Variants in ST7 observed in about 807,000 individuals in gnomAD.
The protein encoded by ST7 is suppressor of tumorigenicity 7 protein.
In ST7, 28 loss-of-function variants were observed where a neutral mutation model predicts 78.7. The ratio of observed to expected loss-of-function variants is 0.36; its 90% confidence interval spans 0.26 to 0.49. The LOEUF (loss-of-function observed/expected upper bound fraction) is 0.49, where lower values mean the gene tolerates loss of function less well. Ranked by LOEUF, ST7 falls within the 20% of genes least tolerant of loss-of-function variation. The pLI is 0.99. For missense variants in ST7, 418 were observed against 696.0 expected, an observed-to-expected ratio of 0.60 and a Z score of 4.49; for synonymous variants, 247 against 249.6, an observed-to-expected ratio of 0.99 and a Z score of 0.10.
intron 10 of ST7, among the ~76,000 whole-genome samples, chr7:117,183,100 TTTTGTTTG>T (rs370293819): frequency 0.044 from 6,740 of 151,998 alleles, 400 homozygotes; most frequent in African/African-American, 0.13. Flanking sequence ...TTTTAGGTTT[TTTTGTTTG>T]TTTGTTTGTT....
At chr7:117,013,789 C>T (rs181424114) in intron 1 of ST7, among the ~76,000 whole-genome samples, 2 of 152,084 alleles carry the variant, frequency 1.3e-5, no homozygotes, top group Admixed American at 6.6e-5. Flanking sequence ...GGCGAGATCA[C>T]GCCACTGCAC....
intron 8 of ST7, 33 bp from the exon 9 acceptor site, chr7:117,138,402 T>C (rs756193749): frequency 1.4e-6 from 2 of 1,453,642 alleles, no homozygotes; most frequent in Non-Finnish European, 1.9e-6. Context: ...TTTTTTTTTT[T>C]TAAATGTTGG....
intron 15 of ST7, among the ~76,000 whole-genome samples, chr7:117,227,891 C>T (rs1485276473): frequency 6.6e-6 from 1 of 152,146 alleles, no homozygotes; most frequent in Non-Finnish European, 1.5e-5. Context: ...AGGATGGCAC[C>T]GTCTCCTCTT....
intron 1 of ST7, among the ~76,000 whole-genome samples, chr7:117,097,901 TATA>T (rs1184171701): frequency 1.4e-4 from 5 of 36,362 alleles, no homozygotes; most frequent in African/African-American, 6.2e-4. Context: ...TATATATATA[TATA>T]TATATTTTTT....
intron 9 of ST7, among the ~76,000 whole-genome samples, chr7:117,166,151 T>A (rs931347755): frequency 1.3e-5 from 2 of 152,180 alleles, no homozygotes; most frequent in African/African-American, 4.8e-5. Flanking sequence ...CAACTAGAAA[T>A]AACTGCTGTT....
intron 1 of ST7, among the ~76,000 whole-genome samples, chr7:117,064,819 C>T (rs1316932947): frequency 1.3e-5 from 2 of 152,086 alleles, no homozygotes; most frequent in African/African-American, 2.4e-5. Flanking sequence ...AAGAGTTTCC[C>T]GGGAAGTGCG....
intron 1 of ST7, among the ~76,000 whole-genome samples, chr7:117,087,936 G>A (rs1800289070): frequency 6.6e-6 from 1 of 152,176 alleles, no homozygotes; most frequent in South Asian, 2.1e-4. Flanking sequence ...AGATGTGTCT[G>A]TCTTTGTCAC....
intron 2 of ST7, among the ~76,000 whole-genome samples, chr7:117,117,264 G>T (rs900468145): frequency 6.6e-6 from 1 of 152,124 alleles, no homozygotes; most frequent in Non-Finnish European, 1.5e-5. Flanking sequence ...GAAACCCAGG[G>T]TTTGTGTGTG....
intron 9 of ST7, among the ~76,000 whole-genome samples, chr7:117,141,255 T>C (rs565226006): frequency 6.6e-6 from 1 of 152,240 alleles, no homozygotes; most frequent in South Asian, 2.1e-4. Flanking sequence ...GAAATAGAAA[T>C]GTCAGTTAGA....
intron 9 of ST7, among the ~76,000 whole-genome samples, chr7:117,159,054 AG>A (rs1417736444): frequency 6.6e-6 from 1 of 152,222 alleles, no homozygotes; most frequent in Non-Finnish European, 1.5e-5. Context: ...TTCTCACTCA[AG>A]GAACAATACA....
chr7:117,002,005 C>A (rs1794955738), intron 1 of ST7, among the ~76,000 whole-genome samples: 1 of 152,094 alleles, frequency 6.6e-6, no homozygotes, highest in African/African-American at 2.4e-5. Context: ...GCGGACGGAT[C>A]ACGAGGTCAA....
At chr7:117,078,038 AG>A (rs2116579362) in intron 1 of ST7, among the ~76,000 whole-genome samples, 1 of 152,248 alleles carries the variant, frequency 6.6e-6, no homozygotes, top group East Asian at 1.9e-4. Flanking sequence ...AGAGGTGAAA[AG>A]AGCCTTGTAG....
intron 10 of ST7, among the ~76,000 whole-genome samples, chr7:117,182,114 A>C (rs989345764): frequency 1.3e-5 from 2 of 152,212 alleles, no homozygotes; most frequent in Non-Finnish European, 2.9e-5. Context: ...CAGATCTTGG[A>C]AACACATAGC....
chr7:117,136,358 T>C, intron 8 of ST7, 123 bp downstream of exon 8: 2 of 1,193,156 alleles, frequency 1.7e-6, no homozygotes, highest in Non-Finnish European at 2.4e-6. Flanking sequence ...TGGCTTTTGC[T>C]TTGTTTTTAT....
intron 1 of ST7, among the ~76,000 whole-genome samples, chr7:117,054,416 C>T (rs1427048579): frequency 6.6e-6 from 1 of 152,198 alleles, no homozygotes; most frequent in Non-Finnish European, 1.5e-5. Flanking sequence ...TTTCTTACTG[C>T]TGTGCCTGTG....
At chr7:117,167,370 G>T (rs1325504013) in intron 9 of ST7, among the ~76,000 whole-genome samples, 4 of 151,824 alleles carry the variant, frequency 2.6e-5, no homozygotes, top group Non-Finnish European at 5.9e-5. Context: ...ACTCTCGGGG[G>T]TTGCAGGGCC....
At chr7:116,954,961 ATTTGTTT>A in intron 1 of ST7, 1 of 318,420 alleles carries the variant, frequency 3.1e-6, no homozygotes, top group Admixed American at 4.9e-5. Flanking sequence ...TCATATTTAC[ATTTGTTT>A]TGTAGTATCC....
intron 1 of ST7, among the ~76,000 whole-genome samples, chr7:117,088,455 G>A (rs924973790): frequency 2.0e-5 from 3 of 152,096 alleles, no homozygotes; most frequent in Non-Finnish European, 2.9e-5. Context: ...ATGTTATTCC[G>A]TTATACTTGT....
At chr7:117,177,760 G>A (rs117144407) in intron 10 of ST7, among the ~76,000 whole-genome samples, 1,536 of 152,172 alleles carry the variant, frequency 0.01, 37 homozygotes, top group African/African-American at 0.033. Context: ...TTTTCCCTTT[G>A]GTTGGAAGGG....
Sources: gnomAD v4.1 joint callset for allele counts (sites outside exome capture counted in the v4.1 genomes callset) on GRCh38, gnomAD v4.1.1 for gene constraint, MANE v1.5 for transcripts, NCBI Gene and HGNC (gene_info 2026-07-23, HGNC 2026-07-21) for gene names.